Variants in BMERB1 observed in about 807,000 individuals in gnomAD.
BMERB1 encodes bMERB domain-containing protein 1.
In BMERB1, 12 loss-of-function variants were observed where a neutral mutation model predicts 23.6. The ratio of observed to expected loss-of-function variants is 0.51; its 90% confidence interval spans 0.33 to 0.82. BMERB1 has a LOEUF of 0.82. Among genes scored for constraint, BMERB1 ranks in the 40% least tolerant of loss-of-function variants. BMERB1 has a pLI of 0.03. For synonymous variants in BMERB1, 122 were observed against 96.6 expected, an observed-to-expected ratio of 1.26 and a Z score of -1.54; for missense variants, 247 against 255.4, an observed-to-expected ratio of 0.97 and a Z score of 0.22.
intron 2 of BMERB1, among the ~76,000 whole-genome samples, chr16:15,560,315 G>T (rs2030382132): frequency 6.6e-6 from 1 of 152,220 alleles, no homozygotes; most frequent in African/African-American, 2.4e-5. Context: ...GCCACCCTTA[G>T]GTTACATGGA....
At chr16:15,573,837 G>A (rs2030792582) in intron 3 of BMERB1, among the ~76,000 whole-genome samples, 1 of 149,732 alleles carries the variant, frequency 6.7e-6, no homozygotes, top group Non-Finnish European at 1.5e-5. Context: ...GGAAGCCTCA[G>A]GAAACTTACA....
intron 1 of BMERB1, among the ~76,000 whole-genome samples, chr16:15,474,012 C>T (rs978777227): frequency 1.3e-5 from 2 of 150,988 alleles, no homozygotes; most frequent in Non-Finnish European, 2.9e-5. Flanking sequence ...CCCAGCTCCT[C>T]GGGAGGCTGA....
chr16:15,488,650 A>C (rs901994344), intron 1 of BMERB1, among the ~76,000 whole-genome samples: 12 of 149,800 alleles, frequency 8.0e-5, no homozygotes, highest in African/African-American at 2.9e-4. Context: ...TGGCTAACAC[A>C]GTGAAACCCC....
At chr16:15,480,106 C>G (rs1383663491) in intron 1 of BMERB1, among the ~76,000 whole-genome samples, 1 of 149,680 alleles carries the variant, frequency 6.7e-6, no homozygotes, top group East Asian at 1.9e-4. Flanking sequence ...AAATAGAGAT[C>G]TGATTTTATT....
chr16:15,577,396 C>T (rs554230364), intron 3 of BMERB1, among the ~76,000 whole-genome samples: 1 of 152,324 alleles, frequency 6.6e-6, no homozygotes, highest in East Asian at 1.9e-4. Flanking sequence ...GTATCATTAG[C>T]AGTAGCAAAT....
At chr16:15,559,660 A>G (rs2030363470) in intron 2 of BMERB1, among the ~76,000 whole-genome samples, 1 of 152,204 alleles carries the variant, frequency 6.6e-6, no homozygotes, top group Non-Finnish European at 1.5e-5. Context: ...CCATCCTTCC[A>G]TATTCCAGAA....
chr16:15,457,931 G>A (rs1379767542), intron 1 of BMERB1, among the ~76,000 whole-genome samples: 3 of 152,202 alleles, frequency 2.0e-5, no homozygotes, highest in African/African-American at 7.2e-5. Context: ...CAGTAGAAGA[G>A]AAAGAACGAG....
intron 3 of BMERB1, among the ~76,000 whole-genome samples, chr16:15,571,059 G>A (rs2150973251): frequency 6.6e-6 from 1 of 150,940 alleles, no homozygotes; most frequent in African/African-American, 2.5e-5. Context: ...TGTATCTTGT[G>A]CCGACCTCCT....
At chr16:15,581,452 ACAG>A in intron 4 of BMERB1, 121 bp downstream of exon 4, 1 of 732,238 alleles carries the variant, frequency 1.4e-6, no homozygotes, top group East Asian at 2.8e-5. Context: ...GCCTTGATCC[ACAG>A]TCTCTGGACA....
chr16:15,517,944 GGTGTGTGTGTGGATGTGGGTGTGTAT>G (rs1399252923), intron 2 of BMERB1, among the ~76,000 whole-genome samples: 1 of 144,686 alleles, frequency 6.9e-6, no homozygotes, highest in East Asian at 2.1e-4. Flanking sequence ...TGCATGTGTG[GGTGTGTGTGTGGATGTGGGTGTGTAT>G]GTGTGCGTGT....
intron 1 of BMERB1, among the ~76,000 whole-genome samples, chr16:15,476,629 G>A (rs184372865): frequency 1.4e-4 from 22 of 152,330 alleles, no homozygotes; most frequent in African/African-American, 3.8e-4. Flanking sequence ...CGGCTCTGCC[G>A]GGCTCTGCCA....
chr16:15,525,820 C>A (rs1352461146), intron 2 of BMERB1, among the ~76,000 whole-genome samples: 1 of 151,980 alleles, frequency 6.6e-6, no homozygotes, highest in Non-Finnish European at 1.5e-5. Context: ...CCTTTTTATT[C>A]TCAGAAATTT....
At chr16:15,451,213 C>T (rs924650642) in intron 1 of BMERB1, among the ~76,000 whole-genome samples, 1 of 152,164 alleles carries the variant, frequency 6.6e-6, no homozygotes, top group Non-Finnish European at 1.5e-5. Context: ...CAGAGTCTCC[C>T]TCTCTGGAGC....
chr16:15,444,119 C>CTTTTTTTTTTTTTTTTTTTTTTTTTTTTT (rs1225982061), intron 1 of BMERB1, among the ~76,000 whole-genome samples: 3 of 24,458 alleles, frequency 1.2e-4, no homozygotes, highest in African/African-American at 3.8e-4. Context: ...CAGGCACCAG[C>CTTTTTTTTTTTTTTTTTTTTTTTTTTTTT]TTTGTTTTTT....
intron 2 of BMERB1, among the ~76,000 whole-genome samples, chr16:15,536,372 T>C (rs1033645948): frequency 3.3e-5 from 5 of 152,056 alleles, no homozygotes; most frequent in African/African-American, 4.8e-5. Flanking sequence ...CTGTTTCCCC[T>C]CTGCCACTCC....
At chr16:15,558,207 C>T (rs1207278975) in intron 2 of BMERB1, among the ~76,000 whole-genome samples, 2 of 152,022 alleles carry the variant, frequency 1.3e-5, no homozygotes, top group Non-Finnish European at 2.9e-5. Context: ...GTAAGCCAAT[C>T]GCTGTTATGA....
At chr16:15,554,263 A>C (rs2030180355) in intron 2 of BMERB1, among the ~76,000 whole-genome samples, 1 of 152,096 alleles carries the variant, frequency 6.6e-6, no homozygotes, top group African/African-American at 2.4e-5. Context: ...GCCCGAGTTC[A>C]AGTTCCTACC....
chr16:15,502,580 T>C (rs1426326735), intron 1 of BMERB1, among the ~76,000 whole-genome samples: 1 of 152,028 alleles, frequency 6.6e-6, no homozygotes, highest in Non-Finnish European at 1.5e-5. Context: ...ATAGGATGCT[T>C]GGGGGTTGGA....
intron 2 of BMERB1, among the ~76,000 whole-genome samples, chr16:15,561,849 C>T (rs117193284): frequency 0.011 from 1,718 of 152,194 alleles, 82 homozygotes; most frequent in Admixed American, 0.082. Flanking sequence ...GCTATGATTG[C>T]ACTGCTGAAC....
Sources: gnomAD v4.1 joint callset for allele counts (sites outside exome capture counted in the v4.1 genomes callset) on GRCh38, gnomAD v4.1.1 for gene constraint, MANE v1.5 for transcripts, NCBI Gene and HGNC (gene_info 2026-07-23, HGNC 2026-07-21) for gene names.